The following ESRRB variants were observed in gnomAD, a reference collection of about 807,000 sequenced individuals.
ESRRB encodes steroid hormone receptor ERR2.
Under a neutral mutation model 46.0 loss-of-function variants are expected in ESRRB, and 16 were observed. The ratio of observed to expected loss-of-function variants is 0.35; its 90% CI spans 0.24 to 0.53. The LOEUF is 0.53. Among genes scored for constraint, ESRRB ranks in the 20% least tolerant of loss-of-function variants. ESRRB has a pLI of 0.93. For synonymous variants in ESRRB, 246 were observed against 259.6 expected (o/e 0.95, Z 0.50); for missense variants, 488 against 607.4 (o/e 0.80, Z 2.07).
intron 1 of ESRRB, among the ~76,000 whole-genome samples, chr14:76,355,029 C>T (rs895783565): frequency 6.6e-6 from 1 of 152,104 alleles, no homozygotes; most frequent in Admixed American, 6.6e-5. Context: ...GCTTTATCTG[C>T]ACGGGCCAAG....
At chr14:76,461,893 A>G (rs1888877772) in intron 2 of ESRRB, among the ~76,000 whole-genome samples, 1 of 152,240 alleles carries the variant, frequency 6.6e-6, no homozygotes, top group Admixed American at 6.5e-5. Flanking sequence ...CTCTGCTCAT[A>G]AAATGACCCC....
chr14:76,416,137 T>TTC (rs1410742268), intron 1 of ESRRB, among the ~76,000 whole-genome samples: 1 of 149,936 alleles, frequency 6.7e-6, no homozygotes, highest in East Asian at 2.0e-4. Flanking sequence ...TTTTCCCTTT[T>TTC]TTTTTTTTTT....
chr14:76,466,842 G>C (rs1293657990), intron 3 of ESRRB, among the ~76,000 whole-genome samples: 1 of 151,938 alleles, frequency 6.6e-6, no homozygotes, highest in Non-Finnish European at 1.5e-5. Context: ...TCCTGCTTCA[G>C]TCTCCTGGGT....
chr14:76,398,606 A>G (rs1885800455), intron 1 of ESRRB, among the ~76,000 whole-genome samples: 1 of 152,132 alleles, frequency 6.6e-6, no homozygotes, highest in African/African-American at 2.4e-5. Flanking sequence ...GGAAGGGGTC[A>G]GAGGAGAGGA....
At chr14:76,439,860 G>T (rs956426462) in intron 2 of ESRRB, 110 bp downstream of exon 2, 13 of 1,219,450 alleles carry the variant, frequency 1.1e-5, no homozygotes, top group Non-Finnish European at 1.5e-5. Flanking sequence ...TCTGGGCGCT[G>T]TTGGAGCGGT....
intron 1 of ESRRB, among the ~76,000 whole-genome samples, chr14:76,348,815 C>T (rs1266599290): frequency 2.0e-5 from 3 of 152,154 alleles, no homozygotes; most frequent in African/African-American, 7.2e-5. Context: ...CTGATATACC[C>T]CGTGTTGATG....
intron 1 of ESRRB, among the ~76,000 whole-genome samples, chr14:76,410,712 G>T (rs1443151299): frequency 6.6e-6 from 1 of 152,084 alleles, no homozygotes; most frequent in Admixed American, 6.6e-5. Context: ...GAAAGAGAGG[G>T]GGCTGTTCAG....
intron 6 of ESRRB, among the ~76,000 whole-genome samples, chr14:76,496,006 T>C (rs1180799380): frequency 1.3e-5 from 2 of 152,212 alleles, no homozygotes; most frequent in African/African-American, 4.8e-5. Flanking sequence ...AAATCCTGCC[T>C]CTGCCACCTG....
intron 1 of ESRRB, among the ~76,000 whole-genome samples, chr14:76,326,315 A>G (rs1258421877): frequency 1.3e-5 from 2 of 152,198 alleles, no homozygotes; most frequent in African/African-American, 4.8e-5. Context: ...TGGACAGCTG[A>G]TGGCCTGAGG....
At chr14:76,334,746 C>T (rs989602372) in intron 1 of ESRRB, among the ~76,000 whole-genome samples, 1 of 152,126 alleles carries the variant, frequency 6.6e-6, no homozygotes, top group African/African-American at 2.4e-5. Context: ...CTGTACAAGC[C>T]ATTTTCTTTG....
At chr14:76,491,063 G>A (rs754182151) in intron 5 of ESRRB, among the ~76,000 whole-genome samples, 1 of 152,184 alleles carries the variant, frequency 6.6e-6, no homozygotes, top group Non-Finnish European at 1.5e-5. Context: ...CAGAGTGGCC[G>A]AGAGCACGTA....
chr14:76,477,815 CAGG>C (rs1889642288), intron 3 of ESRRB, among the ~76,000 whole-genome samples: 1 of 152,094 alleles, frequency 6.6e-6, no homozygotes, highest in Non-Finnish European at 1.5e-5. Context: ...CTGTAAAGAT[CAGG>C]AGGAGAAAAT....
At chr14:76,347,201 G>A (rs1254821130) in intron 1 of ESRRB, among the ~76,000 whole-genome samples, 1 of 152,190 alleles carries the variant, frequency 6.6e-6, no homozygotes, top group Non-Finnish European at 1.5e-5. Flanking sequence ...TGAAGGAGGA[G>A]TCCAGACCCT....
In ESRRB at chr14:76,500,065, A is replaced by G. The variant is rs374355890; in HGVS notation, c.*1607A>G. On this transcript the variant is annotated 3_prime_UTR_variant, in exon 7 of 7. Transcript: ENST00000644823. The stretch of plus-strand genomic sequence containing the variant: ...CCCAGCACTAGGACACCAGGAGGCC[A>G]GGTAACTTTCTGCAGCTTTTCCATA... The G allele has an allele frequency of 1.3e-6, 2 of 1,549,984 alleles. No individual in the cohort carries two copies. The highest frequency in any genetic ancestry group is 2.7e-5 in the African/African-American group (2 of 72,982).
At chr14:76,375,214 A>G (rs1218703441), upstream of ESRRB, among the ~76,000 whole-genome samples, 2 of 151,738 alleles carry the variant, frequency 1.3e-5, no homozygotes, top group Admixed American at 6.6e-5. Flanking sequence ...TGGCTGGTGC[A>G]TCTCAAAAGA....
At position 76,500,792 on chromosome 14, in the gene ESRRB, G is replaced by A. The variant is rs545818408; in HGVS notation, c.*2334G>A. 1.1e-4 allele frequency: 165 copies of A among 1,550,046 alleles called. No individual in the cohort carries two copies. In the East Asian group the frequency reaches 2.8e-3, roughly 26 times the overall value. On this transcript the variant is annotated 3_prime_UTR_variant, in exon 7 of 7. Coordinates refer to ENST00000644823, the MANE Select transcript of ESRRB (RefSeq NM_001379180.1). ...ACCTCACTGGATCTAGTGTTGCTGCGAGTGACCTCACTTCAGAGCCCCTCT... is the reference window on the plus strand; with the variant it reads ...ACCTCACTGGATCTAGTGTTGCTGCAAGTGACCTCACTTCAGAGCCCCTCT...
chr14:76,381,226 T>C (rs573815886), intron 1 of ESRRB, among the ~76,000 whole-genome samples: 96 of 152,194 alleles, frequency 6.3e-4, no homozygotes, highest in South Asian at 5.2e-3. Flanking sequence ...GTGTTTATAA[T>C]TGCAAATGTA....
intron 1 of ESRRB, among the ~76,000 whole-genome samples, chr14:76,381,202 G>A (rs151262843): frequency 1.2e-4 from 18 of 152,226 alleles, no homozygotes; most frequent in African/African-American, 4.3e-4. Flanking sequence ...TCGTCCCTGC[G>A]CGGGGAGGTT....
At chr14:76,329,595 C>T (rs1270336358) in intron 1 of ESRRB, among the ~76,000 whole-genome samples, 1 of 152,064 alleles carries the variant, frequency 6.6e-6, no homozygotes, top group Non-Finnish European at 1.5e-5. Context: ...TGGCAGGGAG[C>T]TGTATTAAAT....
Sources: gnomAD v4.1 joint callset for allele counts (sites outside exome capture counted in the v4.1 genomes callset) on GRCh38, gnomAD v4.1.1 for gene constraint, MANE v1.5 for transcripts, NCBI Gene and HGNC (gene_info 2026-07-23, HGNC 2026-07-21) for gene names.